The following RAB31 variants were observed in gnomAD, a reference collection of about 807,000 sequenced individuals.
RAB31 encodes RAB31, member RAS oncogene family.
In RAB31, 21 loss-of-function variants were observed where a neutral mutation model predicts 25.6. That is an observed-to-expected ratio of 0.82 (90% CI 0.58 to 1.18). RAB31 has a LOEUF of 1.18. Among genes scored for constraint, RAB31 ranks in the 50% most tolerant of loss-of-function variants. The probability of loss-of-function intolerance (pLI) is 0.00; values close to 1 mark genes in which losing one functional copy is unlikely to be tolerated. For synonymous variants in RAB31, 87 were observed against 84.0 expected, an observed-to-expected ratio of 1.04 and a Z score of -0.20; for missense variants, 196 against 250.1, an observed-to-expected ratio of 0.78 and a Z score of 1.46.
chr18:9,775,008 T>C, intron 1 of RAB31: 2 of 562,854 alleles, frequency 3.6e-6, no homozygotes, highest in Admixed American at 2.3e-5. Flanking sequence ...ATAGTGAACA[T>C]GTTCATTTTT....
chr18:9,823,365 C>G (rs1234487453), intron 5 of RAB31, among the ~76,000 whole-genome samples: 2 of 152,114 alleles, frequency 1.3e-5, no homozygotes, highest in Non-Finnish European at 2.9e-5. Flanking sequence ...GGAACCTACA[C>G]AGGTGGTAAA....
At chr18:9,810,557 A>T (rs1286725605) in intron 3 of RAB31, among the ~76,000 whole-genome samples, 4 of 152,348 alleles carry the variant, frequency 2.6e-5, no homozygotes, top group South Asian at 2.1e-4. Flanking sequence ...CAATAAAGTC[A>T]TTTAAGTGGC....
chr18:9,815,042 G>A, intron 4 of RAB31, 74 bp from the exon 5 acceptor site: 2 of 1,076,460 alleles, frequency 1.9e-6, no homozygotes, highest in Non-Finnish European at 2.7e-6. Context: ...AATTGTACTG[G>A]GCTTGTATTT....
At position 9,782,094 on chromosome 18, in the gene RAB31, TGGCC is replaced by T. The variant is rs1173593355; in HGVS notation, c.119+6738_119+6741del. ...GCCAGCCGGTGCCACTCCGCATGGG[TGGCC>T]AGGCCTCCCGGCTTCATGCCATTCC... On this transcript the variant is annotated intron_variant, in intron 2 of 6. Coordinates refer to ENST00000578921, the MANE Select transcript of RAB31 (RefSeq NM_006868.4). 3.9e-3 allele frequency among the ~76,000 whole-genome samples: 601 copies of T among 152,318 alleles called. 5 individuals carry two copies. The highest frequency in any genetic ancestry group is 0.014 in the African/African-American group (572 of 41,578).
intron 1 of RAB31, among the ~76,000 whole-genome samples, chr18:9,727,385 T>C (rs1177987946): frequency 1.3e-5 from 2 of 152,212 alleles, no homozygotes; most frequent in African/African-American, 4.8e-5. Context: ...GGTGTGATCA[T>C]AGCTTACTGC....
chr18:9,759,283 G>C (rs1207571274), intron 1 of RAB31, among the ~76,000 whole-genome samples: 2 of 152,044 alleles, frequency 1.3e-5, no homozygotes, highest in African/African-American at 4.8e-5. Context: ...CAATCCTTCT[G>C]TCTCAGCCTC....
intron 6 of RAB31, among the ~76,000 whole-genome samples, chr18:9,856,805 C>T (rs547211021): frequency 1.7e-4 from 26 of 152,292 alleles, no homozygotes; most frequent in African/African-American, 6.3e-4. Flanking sequence ...TTACTAACTT[C>T]AATAATGATG....
intron 5 of RAB31, among the ~76,000 whole-genome samples, chr18:9,824,759 G>A (rs1386980703): frequency 1.3e-5 from 2 of 152,184 alleles, no homozygotes; most frequent in African/African-American, 4.8e-5. Flanking sequence ...AGGATTTTTA[G>A]CTTGGATTTT....
intron 5 of RAB31, among the ~76,000 whole-genome samples, chr18:9,825,642 C>T (rs1463730352): frequency 1.3e-5 from 2 of 152,134 alleles, no homozygotes; most frequent in East Asian, 1.9e-4. Context: ...GCATTGCTTT[C>T]GTCAGTAGGA....
chr18:9,728,989 G>A (rs2145463593), intron 1 of RAB31, among the ~76,000 whole-genome samples: 1 of 151,934 alleles, frequency 6.6e-6, no homozygotes, highest in East Asian at 1.9e-4. Context: ...CCTTCACATC[G>A]TTTACCCATT....
At chr18:9,738,693 C>T (rs1460168271) in intron 1 of RAB31, among the ~76,000 whole-genome samples, 3 of 152,068 alleles carry the variant, frequency 2.0e-5, no homozygotes, top group Admixed American at 6.5e-5. Flanking sequence ...AAGTGTTTCC[C>T]GGGGTTCTGT....
chr18:9,829,388 GTGGTTTCTACATATTCA>G (rs1338773906), intron 5 of RAB31, among the ~76,000 whole-genome samples: 1 of 152,264 alleles, frequency 6.6e-6, no homozygotes, highest in Non-Finnish European at 1.5e-5. Context: ...GGGGTTAGCT[GTGGTTTCTACATATTCA>G]TTGCTGTCTA....
At chr18:9,731,737 A>C (rs965400754) in intron 1 of RAB31, among the ~76,000 whole-genome samples, 1 of 151,272 alleles carries the variant, frequency 6.6e-6, no homozygotes, top group East Asian at 1.9e-4. Context: ...CTGGGATTAC[A>C]GGCGTGTGGC....
intron 1 of RAB31, among the ~76,000 whole-genome samples, chr18:9,739,785 A>C (rs2068168816): frequency 6.6e-6 from 1 of 152,152 alleles, no homozygotes; most frequent in Non-Finnish European, 1.5e-5. Context: ...GTGTGCCAGC[A>C]CCTGGTCACA....
At chr18:9,777,757 T>C (rs1306172405) in intron 2 of RAB31, among the ~76,000 whole-genome samples, 3 of 145,478 alleles carry the variant, frequency 2.1e-5, no homozygotes, top group Non-Finnish European at 4.5e-5. Context: ...TAATGACCTT[T>C]TTTTTTTTTT....
At chr18:9,816,181 T>C in intron 5 of RAB31, 1 of 216,748 alleles carries the variant, frequency 4.6e-6, no homozygotes, top group Non-Finnish European at 1.0e-5. Flanking sequence ...GTATCATGCC[T>C]TTGTTATGTC....
chr18:9,764,013 G>A (rs1217885255), intron 1 of RAB31, among the ~76,000 whole-genome samples: 2 of 152,170 alleles, frequency 1.3e-5, no homozygotes, highest in African/African-American at 4.8e-5. Context: ...AATGTTGTCA[G>A]TGAATGTGGG....
rs112658730 is a variant in RAB31 at position 9,851,039 on chromosome 18, CT to C, written c.490+5351del. Among the ~76,000 whole-genome samples the C allele has an allele frequency of 7.6e-3, 1,153 of 152,140 alleles. 17 individuals carry two copies. The highest frequency in any genetic ancestry group is 0.024 in the African/African-American group (1,009 of 41,496). Reference sequence around the variant, plus strand: ...TCACAGAGTGTTGTGCTCTAGGCACCTTTAGTTAGTAGCAGGTTAAAGTAAT... The same window carrying C: ...TCACAGAGTGTTGTGCTCTAGGCACCTTAGTTAGTAGCAGGTTAAAGTAAT... On this transcript the variant is annotated intron_variant, in intron 6 of 6. Transcript: ENST00000578921.
chr18:9,774,786 C>A, intron 1 of RAB31: 2 of 498,218 alleles, frequency 4.0e-6, no homozygotes, highest in South Asian at 1.5e-5. Flanking sequence ...AAGTTATTAC[C>A]CAACCATCAG....
Sources: allele counts gnomAD v4.1 joint callset (sites outside exome capture counted in the v4.1 genomes callset), GRCh38; gene constraint gnomAD v4.1.1; transcripts MANE v1.5; gene names NCBI Gene and HGNC (gene_info 2026-07-23, HGNC 2026-07-21).